Variants in TMOD3 observed in about 807,000 individuals in gnomAD.
The protein encoded by TMOD3 is tropomodulin-3.
In TMOD3, 20 loss-of-function variants were observed where a neutral mutation model predicts 39.2. The observed-to-expected ratio is 0.51, with a 90% CI of 0.36 to 0.74. The LOEUF is 0.74. TMOD3 is among the 30% of genes least tolerant of loss of function. The probability of loss-of-function intolerance (pLI) is 0.00; values close to 1 mark genes in which losing one functional copy is unlikely to be tolerated. For missense variants in TMOD3, 381 were observed against 412.8 expected, an observed-to-expected ratio of 0.92 and a Z score of 0.67; for synonymous variants, 143 against 145.8, an observed-to-expected ratio of 0.98 and a Z score of 0.14.
intron 1 of TMOD3, among the ~76,000 whole-genome samples, chr15:51,845,973 CTT>C (rs1172952900): frequency 6.6e-6 from 1 of 152,018 alleles, no homozygotes; most frequent in African/African-American, 2.4e-5. Flanking sequence ...AAATTAAAAA[CTT>C]TTAAAAATCT....
At chr15:51,907,334 T>G (rs2056687105) in intron 9 of TMOD3, 2 of 152,284 alleles carry the variant, frequency 1.3e-5, no homozygotes, top group East Asian at 3.9e-4. Flanking sequence ...ATAAATAAAA[T>G]AAACTTAAGA....
intron 2 of TMOD3, among the ~76,000 whole-genome samples, chr15:51,865,332 C>T (rs1353450211): frequency 6.6e-6 from 1 of 152,138 alleles, no homozygotes; most frequent in Non-Finnish European, 1.5e-5. Context: ...CTCTGTTTTA[C>T]AGATGGAAAA....
At chr15:51,857,849 A>G (rs2056395954) in intron 1 of TMOD3, among the ~76,000 whole-genome samples, 1 of 152,004 alleles carries the variant, frequency 6.6e-6, no homozygotes, top group Non-Finnish European at 1.5e-5. Flanking sequence ...CTGAAATATC[A>G]CATCATTGAT....
intron 3 of TMOD3, among the ~76,000 whole-genome samples, chr15:51,882,817 T>TA (rs139359647): frequency 0.058 from 8,572 of 147,094 alleles, 328 homozygotes; most frequent in Admixed American, 0.085. Context: ...TCACTTTCTA[T>TA]AAAAAAAAAA....
intron 1 of TMOD3, among the ~76,000 whole-genome samples, chr15:51,846,538 G>A (rs2056336922): frequency 6.6e-6 from 1 of 152,160 alleles, no homozygotes; most frequent in African/African-American, 2.4e-5. Context: ...CTTGCAAGAG[G>A]AAAAATGAGT....
chr15:51,889,244 A>T, intron 5 of TMOD3, 99 bp downstream of exon 5: 1 of 731,314 alleles, frequency 1.4e-6, no homozygotes. Context: ...GATGTTATAT[A>T]TATGTACTTG....
chr15:51,876,040 T>G (rs1222000501), intron 3 of TMOD3, among the ~76,000 whole-genome samples: 1 of 152,230 alleles, frequency 6.6e-6, no homozygotes, highest in Non-Finnish European at 1.5e-5. Flanking sequence ...GACCTTTATC[T>G]CTGGTAATAT....
At chr15:51,892,505 T>G (rs1243015058) in intron 5 of TMOD3, 1 of 152,088 alleles carries the variant, frequency 6.6e-6, no homozygotes, top group African/African-American at 2.4e-5. Flanking sequence ...GGAGTGAGAG[T>G]GAGGGAGGGC....
Position 51,850,532 on chromosome 15 carries a change from AAAG to A in TMOD3, c.-74-12275_-74-12273del, listed in dbSNP as rs376728937. On this transcript the variant is annotated intron_variant, in intron 1 of 9. Coordinates refer to ENST00000308580, the MANE Select transcript of TMOD3 (RefSeq NM_014547.5). ...TAGGCAGTATTGAAGGTCTGAGAAA[AAAG>A]AAGTAGAAAAAAGTCATCTAAGAGA... Among the ~76,000 whole-genome samples, 99 of 152,316 alleles carry A rather than the reference AAAG, an allele frequency of 6.5e-4. No homozygotes were observed. In the East Asian group the frequency reaches 0.018, roughly 27 times the overall value.
rs148759233 is a variant in TMOD3 at position 51,889,912 on chromosome 15, A to T, written c.496+767A>T. 4.6e-5 allele frequency among the ~76,000 whole-genome samples: 7 copies of T among 152,260 alleles called. No homozygotes were observed. The East Asian group carries it at 9.7e-4, about 21-fold the overall frequency. ...TGTTCTTAAATTAGCAAGGTGATAC[A>T]TGCCTTTGTAGCACATTTAAACAGT... On this transcript the variant is annotated intron_variant, in intron 5 of 9. Transcript: ENST00000308580.
Position 51,908,612 on chromosome 15 carries a change from G to T in TMOD3, c.1025-164G>T, listed in dbSNP as rs866126626. Reference sequence around the variant, plus strand: ...AGTGGTGAATGATGGGAAGTAGGTTGTTTTTTTTTTTTTTTTAATTAGTGG... The same window carrying T: ...AGTGGTGAATGATGGGAAGTAGGTTTTTTTTTTTTTTTTTTTAATTAGTGG... On this transcript the variant is annotated intron_variant, in intron 9 of 9. Coordinates refer to ENST00000308580, the MANE Select transcript of TMOD3 (RefSeq NM_014547.5). 8.5e-3 allele frequency among the ~76,000 whole-genome samples: 1,023 copies of T among 120,604 alleles called. 8 individuals carry two copies. The highest frequency in any genetic ancestry group is 0.034 in the South Asian group (130 of 3,796). The allele number at this position is 120,604 out of a possible 152,430, so 79.1% of individuals were successfully genotyped here.
intron 1 of TMOD3, chr15:51,861,049 C>A: frequency 1.4e-6 from 1 of 714,938 alleles, no homozygotes; most frequent in South Asian, 1.4e-5. Context: ...TTCTCAATCT[C>A]ATCCTTCTTA....
At chr15:51,882,967 T>C (rs898560046) in intron 3 of TMOD3, among the ~76,000 whole-genome samples, 61 of 152,226 alleles carry the variant, frequency 4.0e-4, no homozygotes, top group African/African-American at 1.4e-3. Context: ...ACTTCCACTT[T>C]TCTATAACTA....
chr15:51,883,808 GC>G (rs901537633), intron 3 of TMOD3, among the ~76,000 whole-genome samples: 8 of 152,264 alleles, frequency 5.3e-5, no homozygotes, highest in Middle Eastern at 3.4e-3. Flanking sequence ...TAGAACTACT[GC>G]CATACACAGT....
intron 1 of TMOD3, among the ~76,000 whole-genome samples, chr15:51,838,411 AC>A (rs1169169148): frequency 6.6e-6 from 1 of 152,128 alleles, no homozygotes; most frequent in Non-Finnish European, 1.5e-5. Flanking sequence ...GGGAACACAA[AC>A]CCACTTAAGC....
intron 1 of TMOD3, among the ~76,000 whole-genome samples, chr15:51,833,967 T>A (rs2056268554): frequency 1.3e-5 from 2 of 152,234 alleles, no homozygotes; most frequent in African/African-American, 4.8e-5. Context: ...CCTTTTCAAT[T>A]TTAGTCACAC....
At chr15:51,893,391 T>G (rs746380978) in intron 5 of TMOD3, among the ~76,000 whole-genome samples, 1 of 151,262 alleles carries the variant, frequency 6.6e-6, no homozygotes, top group African/African-American at 2.4e-5. Context: ...AACTTTTAAA[T>G]CTGTCCCCTT....
chr15:51,886,873 C>G (rs2056566983), intron 3 of TMOD3, among the ~76,000 whole-genome samples: 1 of 152,170 alleles, frequency 6.6e-6, no homozygotes, highest in African/African-American at 2.4e-5. Context: ...TTTATAGAAT[C>G]ATAATTGTCT....
At chr15:51,860,005 C>T (rs1198995867) in intron 1 of TMOD3, 1 of 542,014 alleles carries the variant, frequency 1.8e-6, no homozygotes, top group East Asian at 5.1e-5. Context: ...AACACTTCCA[C>T]ATGGCCTCCC....
Sources: gnomAD v4.1 joint callset for allele counts (sites outside exome capture counted in the v4.1 genomes callset) on GRCh38, gnomAD v4.1.1 for gene constraint, MANE v1.5 for transcripts, NCBI Gene and HGNC (gene_info 2026-07-23, HGNC 2026-07-21) for gene names.